PTPRD: variants seen among roughly 807,000 people sequenced by gnomAD.
PTPRD encodes the protein receptor-type tyrosine-protein phosphatase delta.
In PTPRD, 34 loss-of-function variants were observed where a neutral mutation model predicts 214.5. The observed-to-expected ratio is 0.16, with a 90% CI of 0.12 to 0.21. The LOEUF (loss-of-function observed/expected upper bound fraction) is 0.21. Ranked by LOEUF, PTPRD falls within the 10% of genes least tolerant of loss-of-function variation. The probability of loss-of-function intolerance (pLI) is 1.00; values close to 1 mark genes in which losing one functional copy is unlikely to be tolerated. For missense variants in PTPRD, 2,545 were observed against 2,398.7 expected, an observed-to-expected ratio of 1.06 and a Z score of -1.27; for synonymous variants, 1,128 against 845.7, an observed-to-expected ratio of 1.33 and a Z score of -5.79.
chr9:10,239,875 C>T (rs145665258), intron 3 of PTPRD, among the ~76,000 whole-genome samples: 186 of 151,936 alleles, frequency 1.2e-3, no homozygotes, highest in African/African-American at 4.3e-3. Flanking sequence ...ATCTCTTTTC[C>T]CCAAGGTTGG....
intron 2 of PTPRD, among the ~76,000 whole-genome samples, chr9:10,608,402 A>C (rs1217246488): frequency 6.6e-6 from 1 of 151,984 alleles, no homozygotes; most frequent in Non-Finnish European, 1.5e-5. Context: ...GCTCCTTCAA[A>C]AACACTCCAA....
At chr9:9,299,287 CA>C (rs1166733292) in intron 9 of PTPRD, among the ~76,000 whole-genome samples, 1 of 151,544 alleles carries the variant, frequency 6.6e-6, no homozygotes, top group Non-Finnish European at 1.5e-5. Flanking sequence ...GGTTATCAAC[CA>C]AAGGGTGATT....
At position 10,060,803 on chromosome 9, in the gene PTPRD, C is replaced by CCTTTCTTT. The variant is rs796867777; in HGVS notation, c.-544-27021_-544-27014dup. 3.3e-3 allele frequency among the ~76,000 whole-genome samples: 345 copies of CCTTTCTTT among 103,254 alleles called. 82 individuals are homozygous for CCTTTCTTT. Among genetic ancestry groups the CCTTTCTTT allele is most frequent in the African/African-American group, 0.032 (309 of 9,630 alleles). 67.7% of individuals were successfully genotyped at this position (103,254 alleles called of 152,430 possible). On this transcript the variant is annotated intron_variant, in intron 3 of 45. Transcript: ENST00000381196. Reference sequence around the variant, plus strand: ...TTCTTTCTTTCTTTCTTTCTTTCTTCCTTTCTTTCTTTCTTTCTTTCTTTC... The same window carrying CCTTTCTTT: ...TTCTTTCTTTCTTTCTTTCTTTCTTCCTTTCTTTCTTTCTTTCTTTCTTTCTTTCTTTC...
chr9:9,319,888 T>C (rs1259993743), intron 9 of PTPRD, among the ~76,000 whole-genome samples: 1 of 152,148 alleles, frequency 6.6e-6, no homozygotes, highest in Non-Finnish European at 1.5e-5. Context: ...CCCATACAAT[T>C]TGAATTAAGT....
Position 9,488,301 on chromosome 9 carries a change from G to A in PTPRD, c.-237+86431C>T, listed in dbSNP as rs2095745261. 3.9e-5 allele frequency among the ~76,000 whole-genome samples: 6 copies of A among 152,288 alleles called. No homozygotes were observed. In the South Asian group the frequency reaches 1.2e-3, roughly 32 times the overall value. On this transcript the variant is annotated intron_variant, in intron 8 of 45. Transcript: ENST00000381196. ...AGTAATTCTTTGGTGTAATTCCACA[G>A]TTTAATGTATTAGTGGTCTACAATT...
chr9:8,658,766 G>C (rs932360268), intron 12 of PTPRD, among the ~76,000 whole-genome samples: 3 of 151,746 alleles, frequency 2.0e-5, no homozygotes, highest in African/African-American at 7.3e-5. Context: ...AGCTACAAAG[G>C]ATGAGGCGGT....
intron 9 of PTPRD, among the ~76,000 whole-genome samples, chr9:9,279,998 AG>A (rs935133064): frequency 1.3e-5 from 2 of 151,298 alleles, no homozygotes; most frequent in Non-Finnish European, 3.0e-5. Context: ...CTATATTGAT[AG>A]GTTATTGGGT....
chr9:9,796,216 A>T (rs12336895), intron 5 of PTPRD, among the ~76,000 whole-genome samples: 5,350 of 152,238 alleles, frequency 0.035, 158 homozygotes, highest in African/African-American at 0.084. Flanking sequence ...AGAAGAAGAA[A>T]AGGAGGCTGG....
Position 10,612,768 on chromosome 9 carries a change from G to A in PTPRD, c.-788C>T, listed in dbSNP as rs951205821. ...CGGGAGGAGGAGGAGAAAGAGCAGC[G>A]GGAGGACTCGGGCTGGGAGGGGAGC... On this transcript the variant is annotated 5_prime_UTR_variant, in exon 1 of 46. Transcript: ENST00000381196. 6.5e-6 allele frequency: 1 copy of A among 152,684 alleles called. No homozygotes were observed. Among genetic ancestry groups the A allele is most frequent in the African/African-American group, 2.4e-5 (1 of 41,466 alleles). The allele number at this position is 152,684 out of a possible 1,614,324, so 9.5% of individuals were successfully genotyped here. A position where few individuals can be genotyped will look rare whatever the true frequency, so the allele number is the denominator to read the frequency against.
At chr9:9,533,083 G>A (rs531320519) in intron 8 of PTPRD, among the ~76,000 whole-genome samples, 23 of 152,188 alleles carry the variant, frequency 1.5e-4, no homozygotes, top group African/African-American at 5.3e-4. Flanking sequence ...TAAGTGAGCA[G>A]CTTATAGCAT....
At chr9:8,934,438 T>TAA (rs57720048) in intron 11 of PTPRD, among the ~76,000 whole-genome samples, 1 of 46,360 alleles carries the variant, frequency 2.2e-5, no homozygotes, top group Admixed American at 2.9e-4. Flanking sequence ...TATATATAAA[T>TAA]ATATATATAA....
intron 8 of PTPRD, among the ~76,000 whole-genome samples, chr9:9,505,237 C>G (rs1203791653): frequency 6.6e-6 from 1 of 151,552 alleles, no homozygotes; most frequent in Non-Finnish European, 1.5e-5. Context: ...AGGACTAGAG[C>G]AGCCGACTCT....
rs1246322048 is a variant in PTPRD, at chr9:8,458,275, A to G, written c.3875+2136T>C. Among the ~76,000 whole-genome samples, 4 of 152,168 alleles carry G rather than the reference A, an allele frequency of 2.6e-5. No homozygotes were observed. In the East Asian group the frequency reaches 7.7e-4, roughly 29 times the overall value. On this transcript the variant is annotated intron_variant, in intron 33 of 45. Coordinates refer to ENST00000381196, the MANE Select transcript of PTPRD (RefSeq NM_002839.4). ...TTTAAGCACTTGCAGATGAAGGAAG[A>G]AAATAGTTATCTTTTAAAAATTATT... is the stretch of plus-strand genomic sequence containing the variant.
At chr9:10,439,270 G>C (rs1301600787) in intron 2 of PTPRD, among the ~76,000 whole-genome samples, 1 of 151,772 alleles carries the variant, frequency 6.6e-6, no homozygotes, top group African/African-American at 2.4e-5. Flanking sequence ...GACCCAGCTA[G>C]GGAGAAAAAG....
chr9:8,545,289 G>A (rs2079742086), intron 14 of PTPRD, among the ~76,000 whole-genome samples: 1 of 151,952 alleles, frequency 6.6e-6, no homozygotes, highest in African/African-American at 2.4e-5. Flanking sequence ...AGACATACAG[G>A]GACCCATTTC....
chr9:10,524,797 A>G (rs1490050337), intron 2 of PTPRD, among the ~76,000 whole-genome samples: 1 of 152,024 alleles, frequency 6.6e-6, no homozygotes, highest in African/African-American at 2.4e-5. Context: ...AATTCATACT[A>G]TTATAGGCTA....
At position 8,733,762 on chromosome 9, in the gene PTPRD, A is replaced by G. The variant is rs2098687137; in HGVS notation, c.64+18T>C. ...TCATTATGGTCACAGCCCCCTAGAGAAGGGGAGAATGGCTTACTCTCAGCA... is the reference window on the plus strand; with the variant it reads ...TCATTATGGTCACAGCCCCCTAGAGGAGGGGAGAATGGCTTACTCTCAGCA... On this transcript the variant is annotated intron_variant, in intron 12 of 45. Coordinates refer to ENST00000381196, the MANE Select transcript of PTPRD (RefSeq NM_002839.4). The G allele has an allele frequency of 2.6e-6, 4 of 1,551,316 alleles. No homozygotes were observed. The highest frequency in any genetic ancestry group is 4.9e-5 in the East Asian group (2 of 40,932).
At chr9:10,398,689 G>C (rs1278717422) in intron 2 of PTPRD, among the ~76,000 whole-genome samples, 1 of 151,966 alleles carries the variant, frequency 6.6e-6, no homozygotes, top group African/African-American at 2.4e-5. Flanking sequence ...AGCAGAGAAA[G>C]TAATCGGTAT....
chr9:10,385,841 ATTCTT>A (rs71332739), intron 2 of PTPRD, among the ~76,000 whole-genome samples: 13,450 of 151,846 alleles, frequency 0.089, 1,263 homozygotes, highest in East Asian at 0.46. Context: ...TAAATACTAA[ATTCTT>A]TTCTTTAAAG....
Sources: allele counts gnomAD v4.1 joint callset (sites outside exome capture counted in the v4.1 genomes callset), GRCh38; gene constraint gnomAD v4.1.1; transcripts MANE v1.5; gene names NCBI Gene and HGNC (gene_info 2026-07-23, HGNC 2026-07-21).